SPEF2: variants seen among roughly 807,000 people sequenced by gnomAD.
SPEF2 encodes sperm flagella and cilia-associated protein 2.
Under a neutral mutation model 224.6 loss-of-function variants are expected in SPEF2, and 187 were observed. That is an observed-to-expected ratio of 0.83 (90% CI 0.74 to 0.94). The LOEUF is 0.94. SPEF2 is among the 40% of genes least tolerant of loss of function. The pLI is 0.00. For synonymous variants in SPEF2, 715 were observed against 707.3 expected, an observed-to-expected ratio of 1.01 and a Z score of -0.17; for missense variants, 2,170 against 2,135.6, an observed-to-expected ratio of 1.02 and a Z score of -0.32.
intron 23 of SPEF2, among the ~76,000 whole-genome samples, chr5:35,740,609 C>A (rs902711999): frequency 6.6e-6 from 1 of 152,098 alleles, no homozygotes; most frequent in African/African-American, 2.4e-5. Context: ...AGCACAGTTA[C>A]ACATTTTGTT....
intron 16 of SPEF2, among the ~76,000 whole-genome samples, 192 bp from the exon 17 acceptor site, chr5:35,704,362 C>T (rs1739319943): frequency 6.6e-6 from 1 of 151,956 alleles, no homozygotes; most frequent in Non-Finnish European, 1.5e-5. Flanking sequence ...ACTTATTTTC[C>T]CCAATTTCCA....
At chr5:35,770,207 C>T (rs956928327) in intron 26 of SPEF2, among the ~76,000 whole-genome samples, 13 of 151,918 alleles carry the variant, frequency 8.6e-5, no homozygotes, top group African/African-American at 2.2e-4. Flanking sequence ...TGAAGACAAA[C>T]GTGTACATAT....
intron 2 of SPEF2, among the ~76,000 whole-genome samples, chr5:35,632,365 A>C (rs549937305): frequency 3.3e-5 from 5 of 152,184 alleles, no homozygotes; most frequent in African/African-American, 1.2e-4. Flanking sequence ...AAGAGTGAGT[A>C]GCAAAGTGGG....
chr5:35,784,375 G>A (rs1180128515), intron 30 of SPEF2, among the ~76,000 whole-genome samples: 5 of 152,098 alleles, frequency 3.3e-5, no homozygotes, highest in Non-Finnish European at 7.4e-5. Flanking sequence ...CGATCCGCCC[G>A]CCTCAGCCTC....
At chr5:35,754,149 A>G (rs1750099324) in intron 24 of SPEF2, among the ~76,000 whole-genome samples, 1 of 152,218 alleles carries the variant, frequency 6.6e-6, no homozygotes, top group African/African-American at 2.4e-5. Context: ...AGATCAGACC[A>G]GGCAGACATT....
At chr5:35,760,388 C>CT (rs1751094196) in intron 25 of SPEF2, among the ~76,000 whole-genome samples, 1 of 151,564 alleles carries the variant, frequency 6.6e-6, no homozygotes, top group Non-Finnish European at 1.5e-5. Flanking sequence ...TTATGAACCT[C>CT]TAACACTTTT....
Position 35,800,157 on chromosome 5 carries a change from T to C in SPEF2, c.5010+10T>C. 6.2e-7 allele frequency: 1 copy of C among 1,613,904 alleles called. No homozygotes were observed. Among genetic ancestry groups the C allele is most frequent in the East Asian group, 2.2e-5 (1 of 44,872 alleles). On this transcript the variant is annotated intron_variant, in intron 34 of 36. Coordinates refer to ENST00000356031, the MANE Select transcript of SPEF2 (RefSeq NM_024867.4). ...TCCAAGTGCAGAAAAGGTAATTGCA[T>C]TCCAGAAATAGACTAACTATAGAGT...
At chr5:35,715,715 T>G (rs889332229) in intron 20 of SPEF2, among the ~76,000 whole-genome samples, 1 of 152,082 alleles carries the variant, frequency 6.6e-6, no homozygotes, top group Non-Finnish European at 1.5e-5. Context: ...CCTCTCCTGA[T>G]TTTGAACTTC....
At chr5:35,712,749 A>G (rs1741422306) in intron 19 of SPEF2, 63 bp from the exon 20 acceptor site, 35 of 1,519,886 alleles carry the variant, frequency 2.3e-5, no homozygotes, top group South Asian at 2.2e-4. Context: ...CTTGCTTACA[A>G]TCATATAGCC....
At chr5:35,670,961 C>T (rs999898898) in intron 10 of SPEF2, 54 of 985,146 alleles carry the variant, frequency 5.5e-5, no homozygotes, top group Non-Finnish European at 6.1e-5. Context: ...CATTTCTTTC[C>T]TCACCATCCT....
At chr5:35,743,929 A>G (rs983295823) in intron 23 of SPEF2, among the ~76,000 whole-genome samples, 2 of 152,210 alleles carry the variant, frequency 1.3e-5, no homozygotes, top group African/African-American at 4.8e-5. Flanking sequence ...CCCATTTTAT[A>G]GATGAACAAA....
At chr5:35,792,523 T>G in intron 31 of SPEF2, 77 bp downstream of exon 31, 1 of 1,204,806 alleles carries the variant, frequency 8.3e-7, no homozygotes, top group Non-Finnish European at 1.2e-6. Context: ...TCTAAAATAA[T>G]GAGTACTTGC....
rs750158040 is a variant in SPEF2, at chr5:35,617,989, G to A, written c.-9G>A. The stretch of plus-strand genomic sequence containing the variant: ...GCCCCCGCCTGCGGTCTGAGGCACC[G>A]GCTGAACCATGTCGGAGATCCTGTG... On this transcript the variant is annotated 5_prime_UTR_variant, in exon 1 of 37. Coordinates refer to ENST00000356031, the MANE Select transcript of SPEF2 (RefSeq NM_024867.4). 14 of 1,575,096 alleles carry A rather than the reference G, an allele frequency of 8.9e-6. No homozygotes were observed. The highest frequency in any genetic ancestry group is 4.6e-5 in the South Asian group (4 of 86,498).
At chr5:35,650,043 T>C (rs886400944) in intron 6 of SPEF2, among the ~76,000 whole-genome samples, 20 of 152,238 alleles carry the variant, frequency 1.3e-4, no homozygotes, top group African/African-American at 4.8e-4. Context: ...TAAATGGAAA[T>C]GATCCAAACT....
chr5:35,659,115 A>G lies in SPEF2; in HGVS notation c.1075A>G (p.Lys359Glu). ...GCAGCTCATGCATGTTCGGCATGAA[A>G]AGGAAGTTTTATGGCAAAACAGAAT... Reference protein sequence around the residue: ...AVQLMHVRHEKEVLWQNRIFR... With the variant: ...AVQLMHVRHEEEVLWQNRIFR... The change falls in exon 8 of 37, where the codon AAG becomes GAG. Residue 359 changes from lysine to glutamate, a missense_variant. Physicochemically the swap from Lys to Glu is moderately conservative, Grantham distance 56. Transcript: ENST00000356031. The G allele has an allele frequency of 6.2e-7, 1 of 1,613,334 alleles. No homozygotes were observed. Among genetic ancestry groups the G allele is most frequent in the South Asian group, 1.1e-5 (1 of 90,992 alleles).
chr5:35,791,478 T>C (rs1048696730), intron 30 of SPEF2: 3 of 152,184 alleles, frequency 2.0e-5, no homozygotes, highest in Non-Finnish European at 4.4e-5. Context: ...AGTGTGTCTA[T>C]GTTTCATTCT....
chr5:35,801,921 C>T (rs1273421986), intron 34 of SPEF2, among the ~76,000 whole-genome samples: 1 of 152,208 alleles, frequency 6.6e-6, no homozygotes, highest in Non-Finnish European at 1.5e-5. Flanking sequence ...GTAAACATTG[C>T]ATTCATTAAT....
chr5:35,696,911 C>T (rs1755417805), intron 14 of SPEF2, among the ~76,000 whole-genome samples: 1 of 152,074 alleles, frequency 6.6e-6, no homozygotes, highest in South Asian at 2.1e-4. Context: ...TGTTCCAGGC[C>T]ATGAGAATAG....
intron 29 of SPEF2, among the ~76,000 whole-genome samples, chr5:35,777,133 C>T (rs1469770388): frequency 1.3e-5 from 2 of 152,166 alleles, no homozygotes; most frequent in Non-Finnish European, 2.9e-5. Flanking sequence ...TTACAATAAA[C>T]ATTTACTGAA....
Sources: allele counts gnomAD v4.1 joint callset (sites outside exome capture counted in the v4.1 genomes callset), GRCh38; gene constraint gnomAD v4.1.1; transcripts MANE v1.5; gene names NCBI Gene and HGNC (gene_info 2026-07-23, HGNC 2026-07-21).